Variants in ULK4 observed in about 807,000 individuals in gnomAD.
ULK4 encodes inactive serine/threonine-protein kinase ULK4.
ULK4 carries 133 observed loss-of-function variants against 160.6 expected under a neutral mutation model. That is an observed-to-expected ratio of 0.83 (90% CI 0.72 to 0.96). The LOEUF (loss-of-function observed/expected upper bound fraction) is 0.96, where lower values mean the gene tolerates loss of function less well. ULK4 is among the 40% of genes least tolerant of loss of function. ULK4 has a pLI of 0.00. For missense variants in ULK4, 1,580 were observed against 1,499.5 expected (o/e 1.05, Z -0.89); for synonymous variants, 534 against 539.8 (o/e 0.99, Z 0.15).
chr3:41,559,050 C>A (rs554163691), intron 32 of ULK4, among the ~76,000 whole-genome samples: 1 of 137,636 alleles, frequency 7.3e-6, no homozygotes, highest in Non-Finnish European at 1.5e-5. Context: ...CAACAGGCCC[C>A]GGTGTATCAT....
At chr3:41,719,216 C>T (rs948962227) in intron 22 of ULK4, among the ~76,000 whole-genome samples, 5 of 152,176 alleles carry the variant, frequency 3.3e-5, no homozygotes, top group African/African-American at 1.2e-4. Context: ...TTTGCTGGTT[C>T]ATGCTCTTAA....
chr3:41,862,932 A>T (rs1198766402), intron 17 of ULK4, among the ~76,000 whole-genome samples: 1 of 152,070 alleles, frequency 6.6e-6, no homozygotes, highest in Non-Finnish European at 1.5e-5. Context: ...GGTCTTACCC[A>T]AGGCCTGCTA....
At chr3:41,907,368 C>G (rs965663381) in intron 12 of ULK4, among the ~76,000 whole-genome samples, 1 of 151,898 alleles carries the variant, frequency 6.6e-6, no homozygotes, top group Non-Finnish European at 1.5e-5. Flanking sequence ...GCTGTCATTG[C>G]TCACTGCAGC....
At chr3:41,589,215 C>T (rs755953741) in intron 31 of ULK4, among the ~76,000 whole-genome samples, 1 of 151,784 alleles carries the variant, frequency 6.6e-6, no homozygotes, top group Non-Finnish European at 1.5e-5. Context: ...TACTATGAGG[C>T]AGTTTTCAGA....
intron 35 of ULK4, among the ~76,000 whole-genome samples, chr3:41,317,848 A>G (rs1189870797): frequency 6.6e-6 from 1 of 152,240 alleles, no homozygotes; most frequent in Non-Finnish European, 1.5e-5. Flanking sequence ...AATACCTTCC[A>G]GTGATTACAG....
chr3:41,449,912 G>C (rs1027949396), intron 34 of ULK4, among the ~76,000 whole-genome samples: 1 of 147,460 alleles, frequency 6.8e-6, no homozygotes, highest in Non-Finnish European at 1.5e-5. Context: ...TACAAGTTGA[G>C]GACTGGGTCC....
intron 25 of ULK4, among the ~76,000 whole-genome samples, chr3:41,709,674 C>T (rs1000863522): frequency 2.6e-5 from 4 of 152,156 alleles, no homozygotes; most frequent in African/African-American, 7.2e-5. Context: ...CGTGAGCCAC[C>T]ATGCCTGGCC....
chr3:41,348,417 T>C (rs1260497105), intron 35 of ULK4, among the ~76,000 whole-genome samples: 1 of 152,068 alleles, frequency 6.6e-6, no homozygotes, highest in Admixed American at 6.5e-5. Flanking sequence ...GCAGGGTTTG[T>C]GCAAGGGCTT....
At chr3:41,518,261 T>C (rs1294844953) in intron 32 of ULK4, among the ~76,000 whole-genome samples, 1 of 152,216 alleles carries the variant, frequency 6.6e-6, no homozygotes, top group Non-Finnish European at 1.5e-5. Context: ...TGTTTGCCAA[T>C]CTCTCATCTA....
chr3:41,945,236 T>C (rs907555531), intron 2 of ULK4, among the ~76,000 whole-genome samples: 3 of 151,596 alleles, frequency 2.0e-5, no homozygotes, highest in African/African-American at 7.3e-5. Context: ...CCATACTGCC[T>C]CTGCCTCAAG....
At chr3:41,513,810 G>A (rs769158106) in intron 32 of ULK4, among the ~76,000 whole-genome samples, 11 of 152,112 alleles carry the variant, frequency 7.2e-5, no homozygotes, top group Non-Finnish European at 1.3e-4. Context: ...TTGGAGACTC[G>A]GGAGAACAGG....
chr3:41,637,002 T>C (rs779610922), intron 30 of ULK4, among the ~76,000 whole-genome samples: 1 of 152,200 alleles, frequency 6.6e-6, no homozygotes, highest in African/African-American at 2.4e-5. Context: ...TCAAAATGTT[T>C]GGAAATATGT....
chr3:41,548,105 G>A (rs1465766971), intron 32 of ULK4, among the ~76,000 whole-genome samples: 1 of 152,116 alleles, frequency 6.6e-6, no homozygotes, highest in Non-Finnish European at 1.5e-5. Flanking sequence ...GCCCGCTGCT[G>A]CTGCCACCTG....
intron 35 of ULK4, among the ~76,000 whole-genome samples, chr3:41,351,196 T>C (rs1057351628): frequency 6.6e-6 from 1 of 152,176 alleles, no homozygotes; most frequent in South Asian, 2.1e-4. Flanking sequence ...TATGACTTGA[T>C]ATACCCCCTG....
At position 41,709,558 on chromosome 3, in the gene ULK4, T is replaced by C. The variant is rs151058772; in HGVS notation, c.2635-4253A>G. Among the ~76,000 whole-genome samples, 1,161 of 152,224 alleles carry C rather than the reference T, an allele frequency of 7.6e-3. 8 individuals are homozygous for C. The highest frequency in any genetic ancestry group is 0.012 in the Non-Finnish European group (846 of 68,008). On this transcript the variant is annotated intron_variant, in intron 25 of 36. Transcript: ENST00000301831. Reference sequence around the variant, plus strand: ...CGCGCCACCACGCCCAGTTAATTTTTGTACTTTTAGTAGAGATGGGGTTTC... The same window carrying C: ...CGCGCCACCACGCCCAGTTAATTTTCGTACTTTTAGTAGAGATGGGGTTTC...
chr3:41,302,755 T>A (rs1473750513), intron 35 of ULK4, among the ~76,000 whole-genome samples: 1 of 152,180 alleles, frequency 6.6e-6, no homozygotes, highest in Non-Finnish European at 1.5e-5. Flanking sequence ...GATTCCAAAT[T>A]AAAAATCCAC....
At chr3:41,799,466 C>T (rs145134523) in intron 20 of ULK4, among the ~76,000 whole-genome samples, 3,710 of 152,248 alleles carry the variant, frequency 0.024, 47 homozygotes, top group Non-Finnish European at 0.039. Flanking sequence ...GACACAAAAT[C>T]TGAATGGGGA....
intron 29 of ULK4, among the ~76,000 whole-genome samples, chr3:41,677,730 T>G (rs6807793): frequency 0.2 from 30,284 of 152,124 alleles, 7,954 homozygotes; most frequent in African/African-American, 0.61. Flanking sequence ...GTTCATTCAT[T>G]GTATTATGAT....
At chr3:41,722,103 G>C (rs1456088566) in intron 22 of ULK4, among the ~76,000 whole-genome samples, 1 of 152,144 alleles carries the variant, frequency 6.6e-6, no homozygotes, top group East Asian at 1.9e-4. Flanking sequence ...CCGCCTTATA[G>C]GACTGCTGTG....
Sources: gnomAD v4.1 joint callset for allele counts (sites outside exome capture counted in the v4.1 genomes callset) on GRCh38, gnomAD v4.1.1 for gene constraint, MANE v1.5 for transcripts, NCBI Gene and HGNC (gene_info 2026-07-23, HGNC 2026-07-21) for gene names.